Variants in PRICKLE1 observed in about 807,000 individuals in gnomAD.
PRICKLE1 encodes the protein prickle-like protein 1.
A neutral mutation model predicts 70.2 loss-of-function variants in PRICKLE1; 14 were observed. That is an observed-to-expected ratio of 0.20 (90% CI 0.13 to 0.31). PRICKLE1 has a LOEUF of 0.31. Among genes scored for constraint, PRICKLE1 ranks in the 10% least tolerant of loss-of-function variants. PRICKLE1 has a pLI of 1.00. For synonymous variants in PRICKLE1, 357 were observed against 379.9 expected (o/e 0.94, Z 0.70); for missense variants, 821 against 1,026.2 (o/e 0.80, Z 2.73).
chr12:42,583,965 G>A (rs927967292), intron 1 of PRICKLE1, among the ~76,000 whole-genome samples: 2 of 152,078 alleles, frequency 1.3e-5, no homozygotes, highest in African/African-American at 2.4e-5. Flanking sequence ...TCCTGAGAGT[G>A]TATATTTTCT....
Position 42,477,651 on chromosome 12 carries a change from C to T in PRICKLE1, c.-48-5087G>A, listed in dbSNP as rs367715419. 1.0e-3 allele frequency among the ~76,000 whole-genome samples: 158 copies of T among 151,800 alleles called. 1 individual carries two copies. The highest frequency in any genetic ancestry group is 3.4e-3 in the African/African-American group (142 of 41,430). ...TCTGCTCTGGGTCATGGCTGAAGGT[C>T]TTCCTGAGGATACCTAACCATGGTT... On this transcript the variant is annotated intron_variant, in intron 1 of 7. Transcript: ENST00000345127.
At chr12:42,521,833 A>G (rs957677347) in intron 1 of PRICKLE1, among the ~76,000 whole-genome samples, 1 of 152,320 alleles carries the variant, frequency 6.6e-6, no homozygotes, top group South Asian at 2.1e-4. Flanking sequence ...ACATAAAGCA[A>G]TAGTGAAGAG....
intron 1 of PRICKLE1, among the ~76,000 whole-genome samples, chr12:42,580,852 C>T (rs1317225676): frequency 6.6e-6 from 1 of 150,992 alleles, no homozygotes; most frequent in Admixed American, 6.6e-5. Context: ...TAAAAGCAGT[C>T]ATTAAGAGTG....
intron 1 of PRICKLE1, among the ~76,000 whole-genome samples, chr12:42,548,358 A>C (rs1408451986): frequency 6.6e-6 from 1 of 152,188 alleles, no homozygotes; most frequent in Non-Finnish European, 1.5e-5. Context: ...AGTAGAAAAA[A>C]CCATCCTATA....
chr12:42,537,353 C>G (rs1053147557), intron 1 of PRICKLE1, among the ~76,000 whole-genome samples: 9 of 151,952 alleles, frequency 5.9e-5, no homozygotes, highest in African/African-American at 2.2e-4. Context: ...TTTGGAGAGA[C>G]AGGGTCTTGC....
chr12:42,524,769 T>C (rs1288551137), intron 1 of PRICKLE1: 1 of 152,222 alleles, frequency 6.6e-6, no homozygotes, highest in Non-Finnish European at 1.5e-5. Flanking sequence ...TATGATTGTC[T>C]TTAGAATATT....
At chr12:42,559,554 A>G (rs964544533) in intron 1 of PRICKLE1, among the ~76,000 whole-genome samples, 2 of 149,798 alleles carry the variant, frequency 1.3e-5, no homozygotes, top group African/African-American at 4.9e-5. Flanking sequence ...CAAATTTTTA[A>G]AAAACACAAA....
At chr12:42,488,046 C>A (rs12423597) in intron 1 of PRICKLE1, among the ~76,000 whole-genome samples, 31,140 of 152,000 alleles carry the variant, frequency 0.2, 3,388 homozygotes, top group Admixed American at 0.28. Context: ...GTCTCCAAAA[C>A]ATAAATAAAT....
intron 1 of PRICKLE1, among the ~76,000 whole-genome samples, chr12:42,511,261 G>T (rs1222651703): frequency 6.6e-6 from 1 of 152,194 alleles, no homozygotes; most frequent in South Asian, 2.1e-4. Context: ...TATTCTACAA[G>T]GGTGAGGAGA....
Position 42,470,355 on chromosome 12 carries a change from T to C in PRICKLE1, c.137A>G (p.Gln46Arg). The change falls in exon 3 of 8, where the codon CAG (glutamine) becomes CGG (arginine). Residue 46 changes from glutamine to arginine, a missense_variant. Coordinates refer to ENST00000345127, the MANE Select transcript of PRICKLE1 (RefSeq NM_153026.3). The part of the protein sequence containing the change: ...VPPGLRPEQI[Q>R]LYFACLPEEK... ...CTCTGGTAAGCAAGCAAAATAGAGC[T>C]GGATCTGCAAAAGAGACAGTGAGAA... 6.3e-7 allele frequency: 1 copy of C among 1,599,854 alleles called. No individual in the cohort carries two copies. The highest frequency in any genetic ancestry group is 8.6e-7 in the Non-Finnish European group (1 of 1,167,122).
chr12:42,511,805 A>G (rs1029231812), intron 1 of PRICKLE1, among the ~76,000 whole-genome samples: 2 of 152,204 alleles, frequency 1.3e-5, no homozygotes, highest in Admixed American at 1.3e-4. Context: ...GGTTTACTTG[A>G]AAGGTTTTCT....
In PRICKLE1 at chr12:42,470,267, C is replaced by A; in HGVS notation, c.225G>T (p.Gln75His). Reference protein sequence around the residue: ...EKHRIKQLLYQLPPHDNEVRY... With the variant: ...EKHRIKQLLYHLPPHDNEVRY... Reference sequence around the variant, plus strand: ...TTACCTCATTATCATGTGGTGGTAACTGGTACAAAAGCTGTTTAATCCGAT... The same window carrying A: ...TTACCTCATTATCATGTGGTGGTAAATGGTACAAAAGCTGTTTAATCCGAT... Residue 75 changes from glutamine to histidine, a missense_variant, in exon 3 of 8, where the codon CAG becomes CAT. Transcript: ENST00000345127. 1 of 1,613,096 alleles carries A rather than the reference C, an allele frequency of 6.2e-7. No homozygotes were observed. The highest frequency in any genetic ancestry group is 8.5e-7 in the Non-Finnish European group (1 of 1,179,110).
intron 1 of PRICKLE1, among the ~76,000 whole-genome samples, chr12:42,555,044 T>C (rs11613770): frequency 0.22 from 32,953 of 152,154 alleles, 4,615 homozygotes; most frequent in East Asian, 0.42. Flanking sequence ...GGCTCATCCC[T>C]GTAATCCTAG....
chr12:42,540,600 T>C (rs1053358768), intron 1 of PRICKLE1, among the ~76,000 whole-genome samples: 3 of 152,234 alleles, frequency 2.0e-5, no homozygotes, highest in African/African-American at 7.2e-5. Context: ...TTTGCTCTTG[T>C]TGCCCAGGCT....
chr12:42,544,195 C>T (rs1940167938), intron 1 of PRICKLE1, among the ~76,000 whole-genome samples: 1 of 152,170 alleles, frequency 6.6e-6, no homozygotes, highest in African/African-American at 2.4e-5. Context: ...AAGAAACATA[C>T]TAGGCTGCCT....
chr12:42,462,232 G>A (rs960828630), intron 7 of PRICKLE1, among the ~76,000 whole-genome samples: 8 of 151,636 alleles, frequency 5.3e-5, no homozygotes, highest in Non-Finnish European at 1.2e-4. Context: ...ACAGAGTCTT[G>A]CTCTGTCACT....
intron 1 of PRICKLE1, among the ~76,000 whole-genome samples, chr12:42,522,960 ATATT>A (rs1566112369): frequency 1.7e-5 from 2 of 116,972 alleles, no homozygotes; most frequent in Non-Finnish European, 1.7e-5. Context: ...TGATTCTAAC[ATATT>A]TTTTTTTTTT....
At chr12:42,499,903 G>GT (rs1207407558) in intron 1 of PRICKLE1, among the ~76,000 whole-genome samples, 1 of 150,546 alleles carries the variant, frequency 6.6e-6, no homozygotes, top group Non-Finnish European at 1.5e-5. Flanking sequence ...AATTTTTGTA[G>GT]TTTTTTATTC....
chr12:42,481,961 G>T (rs1938808915), intron 1 of PRICKLE1, among the ~76,000 whole-genome samples: 1 of 152,208 alleles, frequency 6.6e-6, no homozygotes, highest in South Asian at 2.1e-4. Flanking sequence ...AAAACATAAT[G>T]AAGTTATCAG....
Sources: gnomAD v4.1 joint callset for allele counts (sites outside exome capture counted in the v4.1 genomes callset) on GRCh38, gnomAD v4.1.1 for gene constraint, MANE v1.5 for transcripts, NCBI Gene and HGNC (gene_info 2026-07-23, HGNC 2026-07-21) for gene names.